The following MYT1L variants were observed in gnomAD, a reference collection of about 807,000 sequenced individuals.
The protein encoded by MYT1L is myelin transcription factor 1-like protein.
In MYT1L, 12 loss-of-function variants were observed where a neutral mutation model predicts 126.7. The observed-to-expected ratio is 0.09, with a 90% CI of 0.06 to 0.15. MYT1L has a LOEUF of 0.15. MYT1L is among the 10% of genes least tolerant of loss of function. MYT1L has a pLI of 1.00. For missense variants in MYT1L, 979 were observed against 1,585.2 expected (o/e 0.62, Z 6.49); for synonymous variants, 541 against 604.2 (o/e 0.90, Z 1.53).
intron 18 of MYT1L, among the ~76,000 whole-genome samples, chr2:1,853,224 A>G (rs945110886): frequency 1.3e-5 from 2 of 152,130 alleles, no homozygotes; most frequent in Admixed American, 1.3e-4. Context: ...AGAAGCAGTA[A>G]AGGGTTCTTC....
intron 2 of MYT1L, among the ~76,000 whole-genome samples, chr2:2,283,092 G>A (rs1389772624): frequency 6.6e-6 from 1 of 152,076 alleles, no homozygotes; most frequent in Non-Finnish European, 1.5e-5. Context: ...ACAAAAAGTA[G>A]TTCTTCATAC....
At chr2:1,810,386 C>T (rs1274074943) in intron 21 of MYT1L, among the ~76,000 whole-genome samples, 2 of 152,130 alleles carry the variant, frequency 1.3e-5, no homozygotes, top group African/African-American at 2.4e-5. Context: ...GTGATCTGCC[C>T]GCCTTGGCCT....
intron 18 of MYT1L, among the ~76,000 whole-genome samples, chr2:1,885,710 T>TAAATCG (rs1227054231): frequency 6.6e-6 from 1 of 152,206 alleles, no homozygotes; most frequent in African/African-American, 2.4e-5. Flanking sequence ...TCCGATAATT[T>TAAATCG]AAATCGATTA....
At chr2:2,153,302 AT>A (rs1161155737) in intron 3 of MYT1L, among the ~76,000 whole-genome samples, 9 of 152,222 alleles carry the variant, frequency 5.9e-5, no homozygotes, top group Non-Finnish European at 8.8e-5. Flanking sequence ...AAGGGCAGCC[AT>A]CAGAAGAAAG....
intron 2 of MYT1L, among the ~76,000 whole-genome samples, chr2:2,179,400 C>A (rs972724574): frequency 2.6e-5 from 4 of 152,202 alleles, no homozygotes; most frequent in African/African-American, 9.6e-5. Flanking sequence ...CCCTACCAGA[C>A]CCCGAAACCT....
At chr2:2,108,274 C>A (rs1029471254) in intron 3 of MYT1L, among the ~76,000 whole-genome samples, 1 of 152,200 alleles carries the variant, frequency 6.6e-6, no homozygotes, top group Admixed American at 6.5e-5. Flanking sequence ...TGTGGCCACA[C>A]TGCGTATGCT....
At chr2:2,320,824 A>G (rs1573556603) in intron 1 of MYT1L, among the ~76,000 whole-genome samples, 2 of 152,340 alleles carry the variant, frequency 1.3e-5, no homozygotes, top group South Asian at 2.1e-4. Flanking sequence ...AGCCACAATC[A>G]GCTGCCATTA....
chr2:2,291,752 C>A (rs1193914111), intron 1 of MYT1L, among the ~76,000 whole-genome samples: 1 of 152,190 alleles, frequency 6.6e-6, no homozygotes, highest in Non-Finnish European at 1.5e-5. Context: ...CAGCCTGGCT[C>A]CCCGACCCAC....
At chr2:1,980,462 T>C (rs2060522933) in intron 5 of MYT1L, among the ~76,000 whole-genome samples, 1 of 152,010 alleles carries the variant, frequency 6.6e-6, no homozygotes, top group African/African-American at 2.4e-5. Context: ...CAATGTTGTT[T>C]AGTTCCTGGA....
intron 4 of MYT1L, among the ~76,000 whole-genome samples, chr2:2,038,005 G>A (rs866323663): frequency 6.6e-6 from 1 of 152,230 alleles, no homozygotes; most frequent in South Asian, 2.1e-4. Context: ...TTCTTACTAG[G>A]TTATAAACTC....
chr2:2,145,307 A>T (rs2084712839), intron 3 of MYT1L, among the ~76,000 whole-genome samples: 1 of 152,212 alleles, frequency 6.6e-6, no homozygotes, highest in African/African-American at 2.4e-5. Flanking sequence ...GTGCCGCTGA[A>T]TTTGTGAAAT....
At chr2:2,142,031 A>T (rs1362794685) in intron 3 of MYT1L, among the ~76,000 whole-genome samples, 1 of 152,234 alleles carries the variant, frequency 6.6e-6, no homozygotes, top group Non-Finnish European at 1.5e-5. Flanking sequence ...ATAAGAAAAT[A>T]TCAGCTTTCC....
At chr2:2,260,912 C>T (rs2094948146) in intron 2 of MYT1L, among the ~76,000 whole-genome samples, 1 of 152,140 alleles carries the variant, frequency 6.6e-6, no homozygotes, top group Non-Finnish European at 1.5e-5. Context: ...GGACAATGCT[C>T]CTAGCATTTC....
rs1426978177 is a variant in MYT1L at position 2,003,429 on chromosome 2, G to A, written c.-157-6082C>T. ...TTTGCCCACCGTCACCCTGGCCCAT[G>A]GTCCTGGCCTCTGGGTAGCTCCTCT... On this transcript the variant is annotated intron_variant, in intron 4 of 24. Transcript: ENST00000647738. 5.3e-5 allele frequency among the ~76,000 whole-genome samples: 8 copies of A among 152,276 alleles called. No individual in the cohort carries two copies. The East Asian group carries it at 1.4e-3, about 26-fold the overall frequency.
chr2:2,083,437 T>C (rs2076045901), intron 3 of MYT1L, among the ~76,000 whole-genome samples: 1 of 152,214 alleles, frequency 6.6e-6, no homozygotes, highest in South Asian at 2.1e-4. Context: ...TTTTTCCAGG[T>C]GGGACCAACA....
Position 2,295,791 on chromosome 2 carries a change from CAG to C in MYT1L, c.-520-11290_-520-11289del, listed in dbSNP as rs200564543. On this transcript the variant is annotated intron_variant, in intron 1 of 24. Transcript: ENST00000647738. ...ACAGAGAGAGAGATAGAGAGACAGA[CAG>C]AGAGAGAGAGAGAGAGAGAGACAGA... Among the ~76,000 whole-genome samples, 340 of 99,802 alleles carry C rather than the reference CAG, an allele frequency of 3.4e-3. 6 individuals carry two copies. Among genetic ancestry groups the C allele is most frequent in the Middle Eastern group, 0.015 (2 of 132 alleles). The allele number at this position is 99,802 out of a possible 152,430, so 65.5% of individuals were successfully genotyped here. A position where few individuals can be genotyped will look rare whatever the true frequency, so the allele number is the denominator to read the frequency against.
intron 3 of MYT1L, among the ~76,000 whole-genome samples, chr2:2,106,962 G>A (rs914197858): frequency 7.2e-5 from 11 of 152,146 alleles, no homozygotes; most frequent in African/African-American, 2.4e-4. Flanking sequence ...ATTCTCAGCC[G>A]AGCTGGATCC....
At position 1,833,869 on chromosome 2, in the gene MYT1L, C is replaced by T. The variant is rs111278984; in HGVS notation, c.3080+5280G>A. 2.5e-3 allele frequency among the ~76,000 whole-genome samples: 374 copies of T among 152,324 alleles called. 3 individuals are homozygous for T. Among genetic ancestry groups the T allele is most frequent in the African/African-American group, 8.4e-3 (348 of 41,572 alleles). ...AGGAGCCCTCCTGCCTAACCCTCAA[C>T]GCAGAAAGAGCAGCGGCTGCGCCAG... On this transcript the variant is annotated intron_variant, in intron 21 of 24. Transcript: ENST00000647738.
intron 3 of MYT1L, among the ~76,000 whole-genome samples, chr2:2,080,111 G>T (rs1242035319): frequency 1.3e-5 from 2 of 152,128 alleles, no homozygotes; most frequent in South Asian, 2.1e-4. Context: ...GAACAACTGG[G>T]TATCCACATA....
Sources: gnomAD v4.1 joint callset for allele counts (sites outside exome capture counted in the v4.1 genomes callset) on GRCh38, gnomAD v4.1.1 for gene constraint, MANE v1.5 for transcripts, NCBI Gene and HGNC (gene_info 2026-07-23, HGNC 2026-07-21) for gene names.